CTNNA2: variants seen among roughly 807,000 people sequenced by gnomAD.
CTNNA2 encodes the protein catenin alpha-2.
A neutral mutation model predicts 101.0 loss-of-function variants in CTNNA2; 42 were observed. That is an observed-to-expected ratio of 0.42 (90% CI 0.32 to 0.54). The LOEUF (loss-of-function observed/expected upper bound fraction) is 0.54. CTNNA2 is among the 20% of genes least tolerant of loss of function. The pLI, the probability that CTNNA2 is intolerant of heterozygous loss-of-function variation, is 0.14. For synonymous variants in CTNNA2, 450 were observed against 456.4 expected (o/e 0.99, Z 0.18); for missense variants, 871 against 1,223.1 (o/e 0.71, Z 4.29).
chr2:79,784,797 A>G lies in CTNNA2; in HGVS notation c.298+40215A>G, dbSNP rs546048096. 2.6e-5 allele frequency among the ~76,000 whole-genome samples: 4 copies of G among 152,008 alleles called. No homozygotes were observed. In the South Asian group the frequency reaches 8.3e-4, roughly 32 times the overall value. ...ATATATAAAAACATGGATGAATCTC[A>G]TAAATGTAATGTTGAAAAAAAGCAG... On this transcript the variant is annotated intron_variant, in intron 3 of 18. Coordinates refer to ENST00000402739, the MANE Select transcript of CTNNA2 (RefSeq NM_001282597.3).
intron 7 of CTNNA2, among the ~76,000 whole-genome samples, chr2:80,115,767 T>G (rs556279661): frequency 6.6e-6 from 1 of 152,216 alleles, no homozygotes; most frequent in East Asian, 1.9e-4. Flanking sequence ...GTTCTGGGAA[T>G]GGAAAATAGT....
intron 2 of CTNNA2, among the ~76,000 whole-genome samples, chr2:79,299,212 G>A (rs1676050575): frequency 6.6e-6 from 1 of 152,086 alleles, no homozygotes; most frequent in African/African-American, 2.4e-5. Context: ...GGCCTGTCCT[G>A]ACAGCCCACC....
At chr2:80,170,485 C>G (rs1314810387) in intron 7 of CTNNA2, among the ~76,000 whole-genome samples, 1 of 152,120 alleles carries the variant, frequency 6.6e-6, no homozygotes, top group Non-Finnish European at 1.5e-5. Context: ...GCCAGTGGCA[C>G]TCAGTATGTG....
chr2:79,324,815 G>A (rs1676709118), intron 3 of CTNNA2, among the ~76,000 whole-genome samples: 1 of 152,060 alleles, frequency 6.6e-6, no homozygotes, highest in Non-Finnish European at 1.5e-5. Flanking sequence ...GTGCCCAGAA[G>A]CCACCACTTC....
intron 7 of CTNNA2, among the ~76,000 whole-genome samples, chr2:80,081,620 CT>C (rs1247609852): frequency 6.6e-6 from 1 of 151,976 alleles, no homozygotes; most frequent in African/African-American, 2.4e-5. Flanking sequence ...TTGATTTGGC[CT>C]GGAGAAACTT....
intron 1 of CTNNA2, among the ~76,000 whole-genome samples, chr2:79,625,823 G>C (rs1312483156): frequency 6.6e-6 from 1 of 152,200 alleles, no homozygotes; most frequent in African/African-American, 2.4e-5. Context: ...TACCTCCTTG[G>C]TGTTGTGATA....
intron 7 of CTNNA2, among the ~76,000 whole-genome samples, chr2:79,994,689 A>G (rs1049926607): frequency 1.3e-5 from 2 of 152,172 alleles, no homozygotes; most frequent in African/African-American, 4.8e-5. Flanking sequence ...GAAATGAAAA[A>G]TAGCTTTAAT....
chr2:79,196,882 C>T (rs763973887), intron 1 of CTNNA2, among the ~76,000 whole-genome samples: 24 of 152,138 alleles, frequency 1.6e-4, no homozygotes, highest in Non-Finnish European at 3.1e-4. Flanking sequence ...GGGATGCATG[C>T]TTCTTTATCT....
intron 7 of CTNNA2, among the ~76,000 whole-genome samples, chr2:79,911,427 T>C (rs1574291307): frequency 6.6e-6 from 1 of 152,330 alleles, no homozygotes; most frequent in East Asian, 1.9e-4. Flanking sequence ...AAAAGTATGT[T>C]CTTCTAAATA....
At chr2:79,188,078 G>GT (rs1305106369) in intron 1 of CTNNA2, among the ~76,000 whole-genome samples, 1 of 152,036 alleles carries the variant, frequency 6.6e-6, no homozygotes, top group African/African-American at 2.4e-5. Flanking sequence ...TAAAAAGCTG[G>GT]TAACTAAAGA....
At chr2:79,405,827 A>G (rs1573150257) in intron 4 of CTNNA2, among the ~76,000 whole-genome samples, 2 of 152,066 alleles carry the variant, frequency 1.3e-5, no homozygotes, top group East Asian at 3.9e-4. Flanking sequence ...TGTGATAATA[A>G]ATGAGTGTTG....
intron 6 of CTNNA2, among the ~76,000 whole-genome samples, chr2:79,875,550 G>GA (rs1316395052): frequency 6.6e-6 from 1 of 151,964 alleles, no homozygotes; most frequent in African/African-American, 2.4e-5. Flanking sequence ...TTAGCAGCTG[G>GA]AAAAAAAGGT....
chr2:79,623,219 C>A (rs879871373), intron 1 of CTNNA2, among the ~76,000 whole-genome samples: 3 of 152,090 alleles, frequency 2.0e-5, no homozygotes, highest in Non-Finnish European at 4.4e-5. Flanking sequence ...ATGTTTTGAA[C>A]CTTGTATATG....
intron 1 of CTNNA2, among the ~76,000 whole-genome samples, chr2:79,592,324 G>T (rs578041859): frequency 1.3e-5 from 2 of 151,660 alleles, no homozygotes; most frequent in East Asian, 3.9e-4. Context: ...TAGAGATGGG[G>T]TTTCACCATG....
intron 1 of CTNNA2, among the ~76,000 whole-genome samples, chr2:79,598,908 T>C (rs996494231): frequency 3.3e-5 from 5 of 152,204 alleles, no homozygotes; most frequent in African/African-American, 1.2e-4. Flanking sequence ...TTCTCTTATG[T>C]TATCTTTTAG....
chr2:79,467,994 C>T (rs1389270954), intron 4 of CTNNA2, among the ~76,000 whole-genome samples: 1 of 152,160 alleles, frequency 6.6e-6, no homozygotes, highest in African/African-American at 2.4e-5. Context: ...AACCAGCTAA[C>T]ATCATAATGA....
intron 9 of CTNNA2, among the ~76,000 whole-genome samples, chr2:80,489,961 C>T (rs1047867769): frequency 5.3e-5 from 8 of 151,756 alleles, no homozygotes; most frequent in Non-Finnish European, 8.8e-5. Flanking sequence ...GAAACAGGTC[C>T]GAGGGGATGG....
At chr2:79,227,035 G>C (rs992813582) in intron 2 of CTNNA2, among the ~76,000 whole-genome samples, 6 of 152,086 alleles carry the variant, frequency 3.9e-5, no homozygotes, top group Non-Finnish European at 8.8e-5. Flanking sequence ...ACTGCCAGGA[G>C]TTGCTGAAAA....
chr2:80,177,978 G>T (rs58998698), intron 7 of CTNNA2, among the ~76,000 whole-genome samples: 1 of 152,154 alleles, frequency 6.6e-6, no homozygotes, highest in African/African-American at 2.4e-5. Flanking sequence ...GCCCTAGAAA[G>T]GGGCTGTAGT....
Sources: allele counts gnomAD v4.1 joint callset (sites outside exome capture counted in the v4.1 genomes callset), GRCh38; gene constraint gnomAD v4.1.1; transcripts MANE v1.5; gene names NCBI Gene and HGNC (gene_info 2026-07-23, HGNC 2026-07-21).